Variants in CAPZB observed in about 807,000 individuals in gnomAD.
CAPZB encodes F-actin-capping protein subunit beta.
Under a neutral mutation model 38.1 loss-of-function variants are expected in CAPZB, and 2 were observed. The ratio of observed to expected loss-of-function variants is 0.05; its 90% CI spans 0.02 to 0.17. CAPZB has a LOEUF of 0.17. Ranked by LOEUF, CAPZB falls within the 10% of genes least tolerant of loss-of-function variation. CAPZB has a pLI of 1.00. For missense variants in CAPZB, 161 were observed against 334.2 expected (o/e 0.48, Z 4.04); for synonymous variants, 107 against 127.4 (o/e 0.84, Z 1.08).
chr1:19,359,137 C>T (rs1421936730), intron 4 of CAPZB, among the ~76,000 whole-genome samples: 1 of 150,690 alleles, frequency 6.6e-6, no homozygotes, highest in South Asian at 2.1e-4. Flanking sequence ...TTATGTCTCA[C>T]CAAAGCTATT....
At chr1:19,462,604 C>A (rs1234988608) in intron 1 of CAPZB, among the ~76,000 whole-genome samples, 1 of 152,180 alleles carries the variant, frequency 6.6e-6, no homozygotes, top group East Asian at 1.9e-4. Context: ...AAATAGTAGG[C>A]ACGAAGTAAG....
At chr1:19,355,692 A>G (rs561196495) in intron 6 of CAPZB, among the ~76,000 whole-genome samples, 2 of 152,308 alleles carry the variant, frequency 1.3e-5, no homozygotes, top group African/African-American at 2.4e-5. Flanking sequence ...TGAGGCTCTC[A>G]AGGCTGTGCC....
intron 2 of CAPZB, among the ~76,000 whole-genome samples, chr1:19,412,100 T>A (rs2094359524): frequency 6.6e-6 from 1 of 152,252 alleles, no homozygotes; most frequent in African/African-American, 2.4e-5. Context: ...ATTAAAATAC[T>A]GCTGGAGGCT....
At chr1:19,461,707 T>C (rs1342857879) in intron 1 of CAPZB, among the ~76,000 whole-genome samples, 2 of 152,222 alleles carry the variant, frequency 1.3e-5, no homozygotes, top group African/African-American at 4.8e-5. Context: ...AGCCACTGCA[T>C]AAATACTTAA....
chr1:19,358,846 C>T (rs2100326687), intron 4 of CAPZB, among the ~76,000 whole-genome samples: 1 of 152,294 alleles, frequency 6.6e-6, no homozygotes, highest in African/African-American at 2.4e-5. Flanking sequence ...TGCCCTCAGC[C>T]CTGGACAGCT....
chr1:19,377,026 C>T (rs1384981516), intron 4 of CAPZB, among the ~76,000 whole-genome samples: 2 of 152,180 alleles, frequency 1.3e-5, no homozygotes, highest in East Asian at 1.9e-4. Context: ...ACTTGCATGG[C>T]CACTGGTAAC....
intron 4 of CAPZB, among the ~76,000 whole-genome samples, chr1:19,362,280 AGG>A (rs1268240093): frequency 5.3e-5 from 8 of 152,160 alleles, no homozygotes; most frequent in Non-Finnish European, 1.0e-4. Context: ...TCTGTCGCCC[AGG>A]CTGGAGTGCA....
chr1:19,353,454 C>G (rs1170093364), intron 6 of CAPZB, among the ~76,000 whole-genome samples: 1 of 152,078 alleles, frequency 6.6e-6, no homozygotes, highest in Non-Finnish European at 1.5e-5. Flanking sequence ...GAATGCCCCC[C>G]AGCCTGCCCC....
chr1:19,427,536 C>T (rs1320394684), intron 1 of CAPZB, among the ~76,000 whole-genome samples: 3 of 152,330 alleles, frequency 2.0e-5, no homozygotes, highest in South Asian at 4.1e-4. Flanking sequence ...CCATGTGGCC[C>T]GGGAACAGTT....
intron 2 of CAPZB, among the ~76,000 whole-genome samples, chr1:19,403,551 G>C (rs2094314488): frequency 1.3e-5 from 2 of 152,370 alleles, no homozygotes; most frequent in African/African-American, 2.4e-5. Context: ...CTTCCACCTA[G>C]ATGTGTTCTC....
intron 1 of CAPZB, among the ~76,000 whole-genome samples, chr1:19,444,934 GATCTCACCAC>G (rs2094491248): frequency 6.6e-6 from 1 of 151,944 alleles, no homozygotes; most frequent in African/African-American, 2.4e-5. Flanking sequence ...GTAGAGACGG[GATCTCACCAC>G]GTTGGCCAGG....
chr1:19,460,958 T>C (rs2094549517), intron 1 of CAPZB, among the ~76,000 whole-genome samples: 1 of 152,126 alleles, frequency 6.6e-6, no homozygotes. Context: ...GATCATTTAC[T>C]GTTCAAAACC....
chr1:19,464,056 G>T (rs2094561079), intron 1 of CAPZB, among the ~76,000 whole-genome samples: 1 of 150,610 alleles, frequency 6.6e-6, no homozygotes, highest in Admixed American at 6.6e-5. Context: ...ATGTGGTGGT[G>T]CACACCTGTA....
intron 4 of CAPZB, among the ~76,000 whole-genome samples, chr1:19,365,599 G>A (rs2094079412): frequency 6.6e-6 from 1 of 152,162 alleles, no homozygotes; most frequent in Non-Finnish European, 1.5e-5. Context: ...GGGAGGCCGA[G>A]ACGGGCAGAT....
chr1:19,461,124 A>T (rs1309376783), intron 1 of CAPZB, among the ~76,000 whole-genome samples: 3 of 152,076 alleles, frequency 2.0e-5, no homozygotes, highest in African/African-American at 7.2e-5. Flanking sequence ...GTTCCAGCAC[A>T]GCACGTGGCT....
intron 6 of CAPZB, among the ~76,000 whole-genome samples, chr1:19,348,816 A>G (rs955694148): frequency 3.3e-5 from 5 of 151,694 alleles, no homozygotes; most frequent in African/African-American, 4.9e-5. Context: ...CTCCCAAGTC[A>G]TAACAGTAAA....
At position 19,371,533 on chromosome 1, in the gene CAPZB, G is replaced by T. The variant is rs568084479; in HGVS notation, c.329+7007C>A. On this transcript the variant is annotated intron_variant, in intron 4 of 8. Coordinates refer to ENST00000264202, the MANE Select transcript of CAPZB (RefSeq NM_004930.5). ...GTTAACTCACTCGCCCAGTCAGTCAGCAAGAAAAGACAAAGAGAGAATCCA... is the reference window on the plus strand; with the variant it reads ...GTTAACTCACTCGCCCAGTCAGTCATCAAGAAAAGACAAAGAGAGAATCCA... Among the ~76,000 whole-genome samples the T allele has an allele frequency of 2.6e-5, 4 of 152,322 alleles. No individual in the cohort carries two copies. The East Asian group carries it at 7.7e-4, about 29-fold the overall frequency.
intron 2 of CAPZB, among the ~76,000 whole-genome samples, chr1:19,418,414 T>A (rs2094389192): frequency 6.6e-6 from 1 of 152,110 alleles, no homozygotes; most frequent in African/African-American, 2.4e-5. Flanking sequence ...TTCATTTGCA[T>A]CACAACTATG....
chr1:19,416,818 A>C (rs1339860969), intron 2 of CAPZB, among the ~76,000 whole-genome samples: 1 of 138,498 alleles, frequency 7.2e-6, no homozygotes, highest in Non-Finnish European at 1.5e-5. Context: ...CTTTGATTGC[A>C]CCACTACACT....
Sources: allele counts gnomAD v4.1 joint callset (sites outside exome capture counted in the v4.1 genomes callset), GRCh38; gene constraint gnomAD v4.1.1; transcripts MANE v1.5; gene names NCBI Gene and HGNC (gene_info 2026-07-23, HGNC 2026-07-21).